The following B3GALT1 variants were observed in gnomAD, a reference collection of about 807,000 sequenced individuals.
The protein encoded by B3GALT1 is beta-1,3-galactosyltransferase 1.
Under a neutral mutation model 23.2 loss-of-function variants are expected in B3GALT1, and 10 were observed. The ratio of observed to expected loss-of-function variants is 0.43; its 90% confidence interval spans 0.27 to 0.73. The LOEUF is 0.73. B3GALT1 is among the 30% of genes least tolerant of loss of function. B3GALT1 has a pLI of 0.21. For synonymous variants in B3GALT1, 156 were observed against 141.5 expected (o/e 1.10, Z -0.73); for missense variants, 299 against 405.4 (o/e 0.74, Z 2.25).
intron 1 of B3GALT1, among the ~76,000 whole-genome samples, chr2:167,470,845 A>G (rs889868228): frequency 1.3e-5 from 2 of 152,254 alleles, no homozygotes; most frequent in African/African-American, 4.8e-5. Context: ...AATTAAAAAT[A>G]AAATATACAC....
At chr2:167,329,266 G>T (rs1696938373) in intron 1 of B3GALT1, among the ~76,000 whole-genome samples, 1 of 152,154 alleles carries the variant, frequency 6.6e-6, no homozygotes, top group Admixed American at 6.5e-5. Flanking sequence ...TTGACCCAGT[G>T]GTCATTCAGT....
intron 1 of B3GALT1, among the ~76,000 whole-genome samples, chr2:167,489,414 A>C (rs1277931363): frequency 6.6e-6 from 1 of 152,216 alleles, no homozygotes; most frequent in Non-Finnish European, 1.5e-5. Context: ...AATTGCAACA[A>C]GGTTTACAAA....
intron 1 of B3GALT1, among the ~76,000 whole-genome samples, chr2:167,462,660 A>C (rs1315758763): frequency 6.6e-6 from 1 of 152,166 alleles, no homozygotes; most frequent in Non-Finnish European, 1.5e-5. Flanking sequence ...GTAATTTTGC[A>C]TCATTAGCTT....
intron 1 of B3GALT1, among the ~76,000 whole-genome samples, chr2:167,329,312 T>C (rs1343892248): frequency 1.3e-5 from 2 of 152,204 alleles, no homozygotes; most frequent in African/African-American, 4.8e-5. Flanking sequence ...TTGTATAGTT[T>C]CCAAAGTTTT....
At chr2:167,432,683 G>A (rs1698723564) in intron 1 of B3GALT1, among the ~76,000 whole-genome samples, 1 of 152,170 alleles carries the variant, frequency 6.6e-6, no homozygotes, top group African/African-American at 2.4e-5. Flanking sequence ...AAAACTCAAA[G>A]TGGAGCCTAT....
intron 3 of B3GALT1, among the ~76,000 whole-genome samples, chr2:167,724,858 C>G (rs1687286188): frequency 1.3e-5 from 2 of 152,128 alleles, no homozygotes; most frequent in African/African-American, 4.8e-5. Flanking sequence ...GCAAAAGGAC[C>G]TCCTCAAATA....
chr2:167,873,422 G>A lies in B3GALT1; in HGVS notation c.*3402G>A, dbSNP rs146944611. On this transcript the variant is annotated 3_prime_UTR_variant, in exon 5 of 5. Transcript: ENST00000392690. The stretch of plus-strand genomic sequence containing the variant: ...AGAATAAAACCCCTTTGCGTGACAC[G>A]ATATGGGGAAAATAAACTATTTACA... 4.6e-5 allele frequency: 7 copies of A among 152,158 alleles called. No homozygotes were observed. The highest frequency in any genetic ancestry group is 1.2e-4 in the African/African-American group (5 of 41,532). The allele number at this position is 152,158 out of a possible 1,614,324, so 9.4% of individuals were successfully genotyped here. A position where few individuals can be genotyped will look rare whatever the true frequency, so the allele number is the denominator to read the frequency against.
intron 4 of B3GALT1, among the ~76,000 whole-genome samples, chr2:167,838,888 T>A (rs79018978): frequency 1.9e-4 from 29 of 151,108 alleles, no homozygotes; most frequent in Admixed American, 4.0e-4. Flanking sequence ...CAAATCAATA[T>A]ATGTAATCCA....
At chr2:167,666,372 A>G (rs1358187505) in intron 3 of B3GALT1, among the ~76,000 whole-genome samples, 12 of 152,216 alleles carry the variant, frequency 7.9e-5, no homozygotes, top group East Asian at 7.7e-4. Flanking sequence ...ACTTCCAACT[A>G]TGTGGTCAAT....
intron 2 of B3GALT1, among the ~76,000 whole-genome samples, chr2:167,499,621 T>A (rs554300022): frequency 9.4e-4 from 143 of 152,312 alleles, no homozygotes; most frequent in African/African-American, 3.3e-3. Context: ...TCACTGTAAT[T>A]GCATAAAAAA....
chr2:167,804,437 T>A (rs9679531), intron 3 of B3GALT1, among the ~76,000 whole-genome samples: 37,127 of 151,864 alleles, frequency 0.24, 5,317 homozygotes, highest in African/African-American at 0.38. Flanking sequence ...TCAACTCGTC[T>A]TTTAACATTA....
At chr2:167,793,417 C>A (rs1182223083) in intron 3 of B3GALT1, among the ~76,000 whole-genome samples, 1 of 152,112 alleles carries the variant, frequency 6.6e-6, no homozygotes, top group Non-Finnish European at 1.5e-5. Flanking sequence ...CTGGGTTCGC[C>A]CCGTCCTGGA....
intron 3 of B3GALT1, among the ~76,000 whole-genome samples, chr2:167,657,831 A>G (rs1685981446): frequency 6.6e-6 from 1 of 152,140 alleles, no homozygotes; most frequent in African/African-American, 2.4e-5. Flanking sequence ...ATCATTAAAC[A>G]TTATTTTATT....
chr2:167,602,777 C>T (rs1684898240), intron 2 of B3GALT1, among the ~76,000 whole-genome samples: 1 of 152,048 alleles, frequency 6.6e-6, no homozygotes, highest in South Asian at 2.1e-4. Flanking sequence ...TTTGCTCATC[C>T]TGGTCTTTCT....
At chr2:167,463,906 G>T (rs946770235) in intron 1 of B3GALT1, among the ~76,000 whole-genome samples, 1 of 152,094 alleles carries the variant, frequency 6.6e-6, no homozygotes, top group African/African-American at 2.4e-5. Context: ...CTGACATTTT[G>T]GAACTATAGT....
At chr2:167,751,937 A>G (rs568935447) in intron 3 of B3GALT1, among the ~76,000 whole-genome samples, 4 of 152,312 alleles carry the variant, frequency 2.6e-5, no homozygotes, top group African/African-American at 9.6e-5. Context: ...TTGCTCATAT[A>G]TGGCAAACAC....
chr2:167,480,465 C>A (rs1437644259), intron 1 of B3GALT1, among the ~76,000 whole-genome samples: 3 of 152,142 alleles, frequency 2.0e-5, no homozygotes, highest in Non-Finnish European at 4.4e-5. Flanking sequence ...CTAGGGCTGC[C>A]CACTCTGCAG....
chr2:167,617,502 G>A (rs1351936579), intron 2 of B3GALT1, among the ~76,000 whole-genome samples: 1 of 151,978 alleles, frequency 6.6e-6, no homozygotes, highest in East Asian at 1.9e-4. Context: ...CAGAATTAGG[G>A]TTCTATTAGA....
intron 3 of B3GALT1, among the ~76,000 whole-genome samples, chr2:167,698,713 C>T (rs951637853): frequency 1.3e-5 from 2 of 152,180 alleles, no homozygotes; most frequent in African/African-American, 4.8e-5. Context: ...TCCAAAAAAT[C>T]TTGTTGAAAT....
Sources: allele counts gnomAD v4.1 joint callset (sites outside exome capture counted in the v4.1 genomes callset), GRCh38; gene constraint gnomAD v4.1.1; transcripts MANE v1.5; gene names NCBI Gene and HGNC (gene_info 2026-07-23, HGNC 2026-07-21).